Variants in ATP13A4 observed in about 807,000 individuals in gnomAD.
The protein encoded by ATP13A4 is ATPase 13A4.
In ATP13A4, 114 loss-of-function variants were observed where a neutral mutation model predicts 142.5. The observed-to-expected ratio is 0.80, with a 90% CI of 0.69 to 0.93. ATP13A4 has a LOEUF of 0.93. Among genes scored for constraint, ATP13A4 ranks in the 40% least tolerant of loss-of-function variants. The pLI is 0.00. For missense variants in ATP13A4, 1,392 were observed against 1,454.0 expected, an observed-to-expected ratio of 0.96 and a Z score of 0.69; for synonymous variants, 488 against 514.8, an observed-to-expected ratio of 0.95 and a Z score of 0.70.
rs1271038541 is a variant in ATP13A4, at chr3:193,433,868, A to C, written c.2819T>G (p.Ile940Ser). 6.2e-7 allele frequency: 1 copy of C among 1,613,866 alleles called. No individual in the cohort carries two copies. The highest frequency in any genetic ancestry group is 1.7e-4 in the Middle Eastern group (1 of 6,058). ...ACTTGTTACACCAATAAGAGTTGTA[A>C]TGGCCAGATCCTGGAACAGAAACTG... is the stretch of plus-strand genomic sequence containing the variant. Reference protein sequence around the residue: ...NYQFLFQDLAITTLIGVTMNL... With the variant: ...NYQFLFQDLASTTLIGVTMNL... Residue 940 changes from isoleucine to serine, a missense_variant, in exon 25 of 30, where the codon ATT becomes AGT. Coordinates refer to ENST00000342695, the MANE Select transcript of ATP13A4 (RefSeq NM_032279.4).
At chr3:193,508,989 GAA>G (rs35561827) in intron 2 of ATP13A4, among the ~76,000 whole-genome samples, 55 of 140,394 alleles carry the variant, frequency 3.9e-4, no homozygotes, top group South Asian at 3.1e-3. Flanking sequence ...GACTGTCCAG[GAA>G]AAAAAAAAAA....
chr3:193,402,865 C>T lies in ATP13A4; in HGVS notation c.3379-1G>A. 6.2e-7 allele frequency: 1 copy of T among 1,613,606 alleles called. No individual in the cohort carries two copies. Among genetic ancestry groups the T allele is most frequent in the Non-Finnish European group, 8.5e-7 (1 of 1,179,702 alleles). On this transcript the variant is annotated splice_acceptor_variant, in intron 29 of 29. Coordinates refer to ENST00000342695, the MANE Select transcript of ATP13A4 (RefSeq NM_032279.4). LOFTEE classifies it high-confidence loss of function. ...GGGCTCGATTTTCAATAACAGCCTC[C>T]TGCAAAATAAAATAATTACTTTTTA...
chr3:193,487,602 T>A (rs1374955624), intron 7 of ATP13A4, among the ~76,000 whole-genome samples: 4 of 152,104 alleles, frequency 2.6e-5, no homozygotes, highest in South Asian at 2.1e-4. Context: ...GGTGTGAGCC[T>A]CCACACCTGG....
At chr3:193,576,948 A>C (rs1724409945) in intron 2 of ATP13A4, among the ~76,000 whole-genome samples, 1 of 152,250 alleles carries the variant, frequency 6.6e-6, no homozygotes, top group South Asian at 2.1e-4. Context: ...AGGACCTCAA[A>C]GTTTCATTTT....
rs193271421 is a variant in ATP13A4 at position 193,522,114 on chromosome 3, T to C, written c.61-7243A>G. ...CTGAGCTGCAGTCTGATTATGGAAG[T>C]AGGCTAAACAGATGTGTTTGGGGCT... On this transcript the variant is annotated intron_variant, in intron 1 of 29. Coordinates refer to ENST00000342695, the MANE Select transcript of ATP13A4 (RefSeq NM_032279.4). Among the ~76,000 whole-genome samples the C allele has an allele frequency of 1.1e-3, 171 of 152,296 alleles. 1 individual carries two copies. Among genetic ancestry groups the C allele is most frequent in the African/African-American group, 3.8e-3 (160 of 41,570 alleles).
At chr3:193,504,041 G>GAA (rs1178547416) in intron 2 of ATP13A4, among the ~76,000 whole-genome samples, 1 of 146,178 alleles carries the variant, frequency 6.8e-6, no homozygotes, top group African/African-American at 2.5e-5. Context: ...GAGAGAGAGA[G>GAA]AAAGAGAGAT....
intron 1 of ATP13A4, among the ~76,000 whole-genome samples, chr3:193,592,374 T>C (rs1191673402): frequency 6.6e-6 from 1 of 151,978 alleles, no homozygotes; most frequent in African/African-American, 2.4e-5. Context: ...CTGTCCAACA[T>C]TGAGAAATTT....
At chr3:193,502,351 A>T (rs1169000882) in intron 3 of ATP13A4, 142 bp downstream of exon 3, 4 of 1,003,556 alleles carry the variant, frequency 4.0e-6, no homozygotes, top group Non-Finnish European at 6.1e-6. Context: ...TGAGATTTGG[A>T]CTGTCTGGCT....
intron 13 of ATP13A4, among the ~76,000 whole-genome samples, chr3:193,459,737 C>T (rs1717844532): frequency 6.6e-6 from 1 of 152,210 alleles, no homozygotes; most frequent in Non-Finnish European, 1.5e-5. Context: ...CTGTGCCCGG[C>T]TAAAAACATT....
chr3:193,480,307 C>T (rs1479782182), intron 8 of ATP13A4, among the ~76,000 whole-genome samples: 1 of 152,080 alleles, frequency 6.6e-6, no homozygotes, highest in African/African-American at 2.4e-5. Context: ...AGCTTCTGCA[C>T]AGCAAAAGAA....
chr3:193,418,428 T>A (rs954159301), intron 25 of ATP13A4, among the ~76,000 whole-genome samples: 1 of 149,450 alleles, frequency 6.7e-6, no homozygotes, highest in African/African-American at 2.5e-5. Flanking sequence ...TATATTTTGA[T>A]GAAAATAACT....
chr3:193,554,747 T>A lies in ATP13A4; in HGVS notation c.53A>T (p.Asn18Ile), dbSNP rs772744851. 1.2e-6 allele frequency: 2 copies of A among 1,613,646 alleles called. No homozygotes were observed. Among genetic ancestry groups the A allele is most frequent in the Non-Finnish European group, 8.5e-7 (1 of 1,179,902 alleles). Residue 18 changes from asparagine (N) to isoleucine (I), a missense_variant, in exon 1 of 30, where the codon AAT becomes ATT. Transcript: ENST00000342695. ...QHALLNEGEE[N>I]EMEIFGYRTQ... Reference sequence around the variant, plus strand: ...ATGTGGCTAGAATCTTACCATCTCATTCTCTTCTCCTTCATTGAGCAGAGC... The same window carrying A: ...ATGTGGCTAGAATCTTACCATCTCAATCTCTTCTCCTTCATTGAGCAGAGC...
chr3:193,465,180 A>G (rs760850736), intron 11 of ATP13A4, 52 bp from the exon 12 acceptor site: 4 of 1,575,254 alleles, frequency 2.5e-6, no homozygotes, highest in East Asian at 2.3e-5. Flanking sequence ...GATGAACAGC[A>G]TATGACTCTT....
At chr3:193,459,032 C>T (rs1415617246) in intron 14 of ATP13A4, 49 bp downstream of exon 14, 2 of 1,608,122 alleles carry the variant, frequency 1.2e-6, no homozygotes, top group Non-Finnish European at 1.7e-6. Flanking sequence ...GCCTATGTTG[C>T]TCTGGCATTG....
intron 1 of ATP13A4, among the ~76,000 whole-genome samples, chr3:193,528,143 A>G (rs1722113806): frequency 6.6e-6 from 1 of 152,236 alleles, no homozygotes; most frequent in Admixed American, 6.5e-5. Context: ...TGTTGTGCAG[A>G]CTACCTGCTT....
intron 1 of ATP13A4, chr3:193,553,639 A>C (rs1723719575): frequency 1.3e-5 from 2 of 152,242 alleles, no homozygotes; most frequent in Non-Finnish European, 2.9e-5. Flanking sequence ...AATCTGAATG[A>C]AGTAAAGGAT....
chr3:193,589,123 A>C (rs1489789762), intron 1 of ATP13A4, among the ~76,000 whole-genome samples: 1 of 152,094 alleles, frequency 6.6e-6, no homozygotes, highest in African/African-American at 2.4e-5. Context: ...CTGGGCGACA[A>C]AGTGAGACTC....
At chr3:193,456,955 T>A (rs374208872) in intron 16 of ATP13A4, 45 bp downstream of exon 16, 5 of 1,575,764 alleles carry the variant, frequency 3.2e-6, no homozygotes, top group Non-Finnish European at 4.3e-6. Context: ...CATATTTATC[T>A]GGAGATACAG....
At chr3:193,564,435 T>C (rs1436308479) in intron 2 of ATP13A4, among the ~76,000 whole-genome samples, 1 of 152,214 alleles carries the variant, frequency 6.6e-6, no homozygotes, top group East Asian at 1.9e-4. Flanking sequence ...AGGTTGGTCA[T>C]CATCAAGTAT....
Sources: allele counts gnomAD v4.1 joint callset (sites outside exome capture counted in the v4.1 genomes callset), GRCh38; gene constraint gnomAD v4.1.1; transcripts MANE v1.5; gene names NCBI Gene and HGNC (gene_info 2026-07-23, HGNC 2026-07-21).